PLAAT5: variants seen among roughly 807,000 people sequenced by gnomAD.
PLAAT5 encodes the protein Ca(2+)-independent N-acyltransferase.
In PLAAT5, 27 loss-of-function variants were observed where a neutral mutation model predicts 27.8. The ratio of observed to expected loss-of-function variants is 0.97; its 90% CI spans 0.72 to 1.34. The LOEUF (loss-of-function observed/expected upper bound fraction) is 1.34. Among genes scored for constraint, PLAAT5 ranks in the 40% most tolerant of loss-of-function variants. The pLI is 0.00. For synonymous variants in PLAAT5, 125 were observed against 136.1 expected (o/e 0.92, Z 0.57); for missense variants, 368 against 343.8 (o/e 1.07, Z -0.56).
At chr11:63,481,371 T>C (rs1565214084) in intron 3 of PLAAT5, among the ~76,000 whole-genome samples, 2 of 152,194 alleles carry the variant, frequency 1.3e-5, no homozygotes, top group Admixed American at 6.5e-5. Flanking sequence ...ACCTGGGAGA[T>C]GGAGGTTGCA....
Position 63,490,946 on chromosome 11 carries a change from G to T in PLAAT5, c.89C>A (p.Ala30Asp). The T allele has an allele frequency of 1.3e-6, 2 of 1,598,802 alleles. No individual in the cohort carries two copies. Among genetic ancestry groups the T allele is most frequent in the East Asian group, 2.3e-5 (1 of 43,564 alleles). Residue 30 changes from alanine (A) to aspartate (D), a missense_variant, in exon 1 of 6, where the codon GCC becomes GAC. Ala to Asp is a moderately radical substitution (Grantham distance 126). Transcript: ENST00000540857. ...PPLPKPASRT[A>D]STGPKDQPPA... ...CGGCTGGTCCTTGGGCCCGGTACTGGCGGTTCGCGAGGCGGGTTTGGGGAG... is the reference window on the plus strand; with the variant it reads ...CGGCTGGTCCTTGGGCCCGGTACTGTCGGTTCGCGAGGCGGGTTTGGGGAG...
At chr11:63,476,943 T>C (rs1194015102) in intron 3 of PLAAT5, among the ~76,000 whole-genome samples, 1 of 152,182 alleles carries the variant, frequency 6.6e-6, no homozygotes, top group African/African-American at 2.4e-5. Context: ...GATTCTTTTT[T>C]CTTTTTGGTA....
chr11:63,468,188 T>C (rs1410627642), intron 4 of PLAAT5, among the ~76,000 whole-genome samples, 169 bp downstream of exon 4: 1 of 152,230 alleles, frequency 6.6e-6, no homozygotes, highest in African/African-American at 2.4e-5. Context: ...TCATTGGTTT[T>C]TGGTGAACAG....
chr11:63,489,221 A>G (rs928013211), intron 2 of PLAAT5, among the ~76,000 whole-genome samples: 3 of 152,038 alleles, frequency 2.0e-5, no homozygotes, highest in African/African-American at 7.2e-5. Flanking sequence ...TTATTTTTTA[A>G]TTTGCTAATA....
At chr11:63,464,588 A>G (rs902227246) in intron 5 of PLAAT5, among the ~76,000 whole-genome samples, 34 of 152,166 alleles carry the variant, frequency 2.2e-4, no homozygotes, top group East Asian at 1.4e-3. Flanking sequence ...CCTGGGAGGC[A>G]GAGGTTGCAG....
At position 63,468,366 on chromosome 11, in the gene PLAAT5, C is replaced by A. The variant is rs2015919668; in HGVS notation, c.445G>T (p.Ala149Ser). The A allele has an allele frequency of 1.2e-6, 2 of 1,611,322 alleles. No homozygotes were observed. The highest frequency in any genetic ancestry group is 2.2e-5 in the East Asian group (1 of 44,880). ...GACTATTCACTCTTACTTGGGGGAG[C>A]CAGATGGACCACGCAATCATCTTCT... is the stretch of plus-strand genomic sequence containing the variant. ...YVEDDCVVHL[A>S]PPSEEFEVGS... The change falls in exon 4 of 6, where the codon GCT becomes TCT. Residue 149 changes from alanine to serine, a missense_variant. Transcript: ENST00000540857.
intron 3 of PLAAT5, among the ~76,000 whole-genome samples, chr11:63,487,758 T>A (rs2016470143): frequency 6.6e-6 from 1 of 152,104 alleles, no homozygotes; most frequent in South Asian, 2.1e-4. Context: ...GGTGAACACA[T>A]AAACAAGAGT....
At position 63,466,380 on chromosome 11, in the gene PLAAT5, C is replaced by G. The variant is rs1214511963; in HGVS notation, c.455-8G>C. The G allele has an allele frequency of 1.2e-6, 2 of 1,613,222 alleles. No homozygotes were observed. The highest frequency in any genetic ancestry group is 2.7e-5 in the African/African-American group (2 of 74,850). On this transcript the variant is annotated splice_polypyrimidine_tract_variant and splice_region_variant and intron_variant, in intron 4 of 5. Coordinates refer to ENST00000540857, the MANE Select transcript of PLAAT5 (RefSeq NM_001146729.2). ...CCACCTCAAACTCCTCACCTGGAGA[C>G]CAAAGACAAACAAAGGTTGGGAAAT...
chr11:63,487,947 C>A (rs1324908744), intron 3 of PLAAT5, among the ~76,000 whole-genome samples: 1 of 152,142 alleles, frequency 6.6e-6, no homozygotes, highest in Admixed American at 6.5e-5. Flanking sequence ...AGATCGAGAC[C>A]ATCCTGGCTA....
At position 63,491,024 on chromosome 11, in the gene PLAAT5, C is replaced by A; in HGVS notation, c.11G>T (p.Ser4Ile). The A allele has an allele frequency of 6.7e-7, 1 of 1,485,420 alleles. No homozygotes were observed. The allele number at this position is 1,485,420 out of a possible 1,614,324, so 92.0% of individuals were successfully genotyped here. A position where few individuals can be genotyped will look rare whatever the true frequency, so the allele number is the denominator to read the frequency against. ...CGCGTACTCCCCCTCGGCGCCCGGGCTCAGGCCCATCCCGCCTCTGCGGCC... is the reference window on the plus strand; with the variant it reads ...CGCGTACTCCCCCTCGGCGCCCGGGATCAGGCCCATCCCGCCTCTGCGGCC... The part of the protein sequence containing the change: MGL[S>I]PGAEGEYALR... The change falls in exon 1 of 6, where the codon AGC (serine) becomes ATC (isoleucine). Residue 4 changes from serine to isoleucine, a missense_variant. By Grantham distance (142) the Ser-to-Ile change is moderately radical. Transcript: ENST00000540857.
intron 3 of PLAAT5, among the ~76,000 whole-genome samples, chr11:63,473,445 T>C (rs2016077678): frequency 6.6e-6 from 1 of 152,334 alleles, no homozygotes; most frequent in African/African-American, 2.4e-5. Context: ...TCTTGCAATA[T>C]TCGTTTTATT....
chr11:63,465,926 C>T (rs1489447254), intron 5 of PLAAT5, among the ~76,000 whole-genome samples, 184 bp downstream of exon 5: 1 of 152,186 alleles, frequency 6.6e-6, no homozygotes, highest in Non-Finnish European at 1.5e-5. Context: ...GCCTTTTCTA[C>T]TCCTCCCTGG....
At position 63,487,375 on chromosome 11, in the gene PLAAT5, A is replaced by G. The variant is rs74685874; in HGVS notation, c.345+1496T>C. Among the ~76,000 whole-genome samples, 650 of 152,270 alleles carry G rather than the reference A, an allele frequency of 4.3e-3. 6 individuals carry two copies. The highest frequency in any genetic ancestry group is 0.015 in the African/African-American group (626 of 41,544). ...TAGGAAAATGCAAATGAAAACCACA[A>G]TGAGATACCTACACATCTATTAAAA... On this transcript the variant is annotated intron_variant, in intron 3 of 5. Coordinates refer to ENST00000540857, the MANE Select transcript of PLAAT5 (RefSeq NM_001146729.2).
intron 3 of PLAAT5, among the ~76,000 whole-genome samples, chr11:63,477,668 T>C (rs903222565): frequency 2.0e-5 from 3 of 152,032 alleles, no homozygotes; most frequent in Non-Finnish European, 2.9e-5. Context: ...AGAGACAGGG[T>C]TTCACCATGT....
At position 63,463,586 on chromosome 11, in the gene PLAAT5, C is replaced by T. The variant is rs201362246; in HGVS notation, c.727G>A (p.Ala243Thr). The T allele has an allele frequency of 2.3e-5, 37 of 1,613,470 alleles. No individual in the cohort carries two copies. The highest frequency in any genetic ancestry group is 1.8e-4 in the East Asian group (8 of 44,880). Residue 243 changes from alanine to threonine, a missense_variant, in exon 6 of 6, where the codon GCC (alanine) becomes ACC (threonine). Transcript: ENST00000540857. ...GVPRSQQVEH[A>T]LMEGAKAAGA... ...GCAGCCTTCGCTCCTTCCATCAGGG[C>T]GTGCTCTACCTGCAAAGCACATCAG...
chr11:63,466,503 G>A, intron 4 of PLAAT5, 131 bp from the exon 5 acceptor site: 2 of 916,808 alleles, frequency 2.2e-6, no homozygotes, highest in Non-Finnish European at 3.2e-6. Context: ...GCAGAAGAGG[G>A]GAAGTTGGAA....
At chr11:63,487,494 G>T (rs1191094106) in intron 3 of PLAAT5, among the ~76,000 whole-genome samples, 1 of 152,062 alleles carries the variant, frequency 6.6e-6, no homozygotes, top group African/African-American at 2.4e-5. Context: ...TACAACCACT[G>T]TGGAAAACAG....
Position 63,461,687 on chromosome 11 carries a change from G to A in PLAAT5, c.*1816C>T, listed in dbSNP as rs2015720408. The A allele has an allele frequency of 1.3e-5, 2 of 152,124 alleles. No individual in the cohort carries two copies. Among genetic ancestry groups the A allele is most frequent in the Non-Finnish European group, 2.9e-5 (2 of 68,022 alleles). 9.4% of individuals were successfully genotyped at this position (152,124 alleles called of 1,614,324 possible). A position where few individuals can be genotyped will look rare whatever the true frequency, so the allele number is the denominator to read the frequency against. Reference sequence around the variant, plus strand: ...TGCATTCCAGATCTCTCAGCCTGATGGACAGCTTGGAAGTGGAAGGGACCA... The same window carrying A: ...TGCATTCCAGATCTCTCAGCCTGATAGACAGCTTGGAAGTGGAAGGGACCA... On this transcript the variant is annotated 3_prime_UTR_variant, in exon 6 of 6. Coordinates refer to ENST00000540857, the MANE Select transcript of PLAAT5 (RefSeq NM_001146729.2).
At position 63,464,141 on chromosome 11, in the gene PLAAT5, G is replaced by C. The variant is rs563933421; in HGVS notation, c.718-546C>G. Among the ~76,000 whole-genome samples the C allele has an allele frequency of 3.3e-5, 5 of 152,226 alleles. No homozygotes were observed. In the East Asian group the frequency reaches 9.7e-4, roughly 29 times the overall value. On this transcript the variant is annotated intron_variant, in intron 5 of 5. Transcript: ENST00000540857. ...CGGACACTAGAGAAAAGCCTCACAA[G>C]AATGGAGTGCAGGCTGGAGAGGATG...
Sources: gnomAD v4.1 joint callset for allele counts (sites outside exome capture counted in the v4.1 genomes callset) on GRCh38, gnomAD v4.1.1 for gene constraint, MANE v1.5 for transcripts, NCBI Gene and HGNC (gene_info 2026-07-23, HGNC 2026-07-21) for gene names.